RBFOX1: variants seen among roughly 807,000 people sequenced by gnomAD.
RBFOX1 encodes the protein RNA binding fox-1 homolog 1, also known as RNA binding protein fox-1 homolog 1.
Under a neutral mutation model 57.7 loss-of-function variants are expected in RBFOX1, and 8 were observed. The observed-to-expected ratio is 0.14, with a 90% CI of 0.08 to 0.25. RBFOX1 has a LOEUF of 0.25. Among genes scored for constraint, RBFOX1 ranks in the 10% least tolerant of loss-of-function variants. RBFOX1 has a pLI of 1.00. For missense variants in RBFOX1, 611 were observed against 548.5 expected (o/e 1.11, Z -1.14); for synonymous variants, 326 against 222.4 (o/e 1.47, Z -4.15).
chr16:6,039,164 A>G (rs1252791090), intron 1 of RBFOX1, among the ~76,000 whole-genome samples: 1 of 151,906 alleles, frequency 6.6e-6, no homozygotes, highest in African/African-American at 2.4e-5. Context: ...GGGATGCATG[A>G]GAGGGCATTT....
At chr16:6,350,284 A>G (rs1281670889) in intron 2 of RBFOX1, among the ~76,000 whole-genome samples, 2 of 151,708 alleles carry the variant, frequency 1.3e-5, no homozygotes, top group African/African-American at 2.4e-5. Context: ...TAAAAATACA[A>G]AATTAGCCGG....
chr16:6,395,124 G>A (rs1457842007), intron 2 of RBFOX1, among the ~76,000 whole-genome samples: 1 of 152,206 alleles, frequency 6.6e-6, no homozygotes, highest in East Asian at 1.9e-4. Flanking sequence ...CGAAGGGTTT[G>A]CTAAAGATAT....
At chr16:6,613,003 ATGTGTGTGTGTGTGTGTGTGTGTGTG>A (rs57236292) in intron 2 of RBFOX1, among the ~76,000 whole-genome samples, 2 of 143,248 alleles carry the variant, frequency 1.4e-5, no homozygotes, top group East Asian at 2.0e-4. Context: ...CAGTCCCAGC[ATGTGTGTGTGTGTGTGTGTGTGTGTG>A]TGTGTGTGTG....
At position 6,122,727 on chromosome 16, in the gene RBFOX1, GA is replaced by G. The variant is rs914236510; in HGVS notation, c.-127+102743del. 1.1e-4 allele frequency among the ~76,000 whole-genome samples: 17 copies of G among 151,472 alleles called. No homozygotes were observed. The South Asian group carries it at 1.5e-3, about 13-fold the overall frequency. On this transcript the variant is annotated intron_variant, in intron 1 of 15. Transcript: ENST00000550418. ...GTAACTTTATCTTTTCAGTTAATGG[GA>G]AAAAAAAGCCACGGGACCTTTGTCA...
intron 4 of RBFOX1, among the ~76,000 whole-genome samples, chr16:7,333,344 C>T (rs1039875244): frequency 6.6e-6 from 1 of 152,156 alleles, no homozygotes. Context: ...CATGTCTTAG[C>T]TTCAGGAGGT....
At chr16:5,280,825 C>CT (rs912234498) in intron 1 of RBFOX1, among the ~76,000 whole-genome samples, 31 of 116,428 alleles carry the variant, frequency 2.7e-4, no homozygotes, top group South Asian at 6.0e-4. Flanking sequence ...TCCTTTCTTT[C>CT]TTTTTTTTTT....
chr16:6,299,656 T>G (rs76373720), intron 1 of RBFOX1, among the ~76,000 whole-genome samples: 1,556 of 152,270 alleles, frequency 0.01, 32 homozygotes, highest in African/African-American at 0.035. Flanking sequence ...ATTCCCCTTC[T>G]CAGAGATCCC....
intron 3 of RBFOX1, among the ~76,000 whole-genome samples, chr16:6,793,124 G>A (rs558330468): frequency 6.6e-6 from 1 of 152,080 alleles, no homozygotes; most frequent in South Asian, 2.1e-4. Flanking sequence ...TACGCCTGCT[G>A]TCACCAGATT....
chr16:5,848,989 G>C (rs915909944), intron 3 of RBFOX1, among the ~76,000 whole-genome samples: 12 of 150,418 alleles, frequency 8.0e-5, no homozygotes, highest in Non-Finnish European at 1.5e-5. Context: ...AAAAAAAACA[G>C]AAAAGTAAGT....
intron 14 of RBFOX1, among the ~76,000 whole-genome samples, chr16:7,699,355 C>G (rs1022124163): frequency 6.6e-6 from 1 of 152,270 alleles, no homozygotes; most frequent in Non-Finnish European, 1.5e-5. Context: ...CCACACCCAG[C>G]TGATATCTTA....
chr16:6,896,825 TAGAAAGAAGATTGCA>T (rs2067038526), intron 3 of RBFOX1, among the ~76,000 whole-genome samples: 1 of 152,080 alleles, frequency 6.6e-6, no homozygotes, highest in Non-Finnish European at 1.5e-5. Context: ...GTTTATAGGA[TAGAAAGAAGATTGCA>T]GGTAATATAA....
At chr16:6,321,998 C>T (rs760016481) in intron 2 of RBFOX1, among the ~76,000 whole-genome samples, 9 of 152,186 alleles carry the variant, frequency 5.9e-5, no homozygotes, top group Non-Finnish European at 1.0e-4. Context: ...GTCCACGTCT[C>T]ACTCATTGAC....
chr16:5,966,703 G>C (rs1014903645), intron 4 of RBFOX1, among the ~76,000 whole-genome samples: 1 of 152,092 alleles, frequency 6.6e-6, no homozygotes, highest in Non-Finnish European at 1.5e-5. Context: ...TGTGAGAACA[G>C]TACCAAGAGG....
intron 3 of RBFOX1, among the ~76,000 whole-genome samples, chr16:6,655,228 G>T (rs976240041): frequency 6.6e-6 from 1 of 151,156 alleles, no homozygotes; most frequent in African/African-American, 2.4e-5. Context: ...AGAAAAATTA[G>T]CCGGGTGTGG....
chr16:5,415,607 C>G (rs1354304923), intron 1 of RBFOX1, among the ~76,000 whole-genome samples: 1 of 152,132 alleles, frequency 6.6e-6, no homozygotes, highest in African/African-American at 2.4e-5. Context: ...GGCAATAGCA[C>G]CTAGCCAGAA....
chr16:6,628,415 G>T (rs1357359863), intron 2 of RBFOX1, among the ~76,000 whole-genome samples: 1 of 152,182 alleles, frequency 6.6e-6, no homozygotes, highest in Non-Finnish European at 1.5e-5. Context: ...AGATGTATAT[G>T]TATGAGGCTG....
chr16:6,847,382 C>A (rs940235122), intron 3 of RBFOX1, among the ~76,000 whole-genome samples: 16 of 152,078 alleles, frequency 1.1e-4, no homozygotes, highest in Non-Finnish European at 1.5e-4. Context: ...CCTATGTGTG[C>A]ACATTCTGGG....
rs565488905 is a variant in RBFOX1, at chr16:7,407,337, A to C, written c.28-110810A>C. ...AGGGATAATGGGAATAAAGTAAAGGAAAAGCATAGAATTTTGACTTCAAGG... is the reference window on the plus strand; with the variant it reads ...AGGGATAATGGGAATAAAGTAAAGGCAAAGCATAGAATTTTGACTTCAAGG... On this transcript the variant is annotated intron_variant, in intron 4 of 15. Coordinates refer to ENST00000550418, the MANE Select transcript of RBFOX1 (RefSeq NM_018723.4). Among the ~76,000 whole-genome samples, 4 of 151,798 alleles carry C rather than the reference A, an allele frequency of 2.6e-5. No individual in the cohort carries two copies. In the East Asian group the frequency reaches 7.8e-4, roughly 30 times the overall value.
chr16:5,517,842 A>G (rs986821388), intron 2 of RBFOX1, among the ~76,000 whole-genome samples: 1 of 131,276 alleles, frequency 7.6e-6, no homozygotes. Context: ...TTTTACATAT[A>G]TGTATACACA....
Sources: gnomAD v4.1 joint callset for allele counts (sites outside exome capture counted in the v4.1 genomes callset) on GRCh38, gnomAD v4.1.1 for gene constraint, MANE v1.5 for transcripts, NCBI Gene and HGNC (gene_info 2026-07-23, HGNC 2026-07-21) for gene names.